DGKH: variants seen among roughly 807,000 people sequenced by gnomAD.
The protein encoded by DGKH is diacylglycerol kinase eta.
In DGKH, 90 loss-of-function variants were observed where a neutral mutation model predicts 159.3. The observed-to-expected ratio is 0.57, with a 90% CI of 0.48 to 0.67. The LOEUF (loss-of-function observed/expected upper bound fraction) is 0.67. Ranked by LOEUF, DGKH falls within the 30% of genes least tolerant of loss-of-function variation. The probability of loss-of-function intolerance (pLI) is 0.00; values close to 1 mark genes in which losing one functional copy is unlikely to be tolerated. For missense variants in DGKH, 1,181 were observed against 1,506.1 expected, an observed-to-expected ratio of 0.78 and a Z score of 3.57; for synonymous variants, 536 against 553.8, an observed-to-expected ratio of 0.97 and a Z score of 0.45.
chr13:42,107,102 A>G (rs945521257), intron 1 of DGKH, among the ~76,000 whole-genome samples: 2 of 152,258 alleles, frequency 1.3e-5, no homozygotes, highest in African/African-American at 2.4e-5. Context: ...ATCTATTGCA[A>G]TTTACAAATA....
chr13:42,049,426 A>C lies in DGKH; in HGVS notation c.192+461A>C, dbSNP rs540435074. On this transcript the variant is annotated intron_variant, in intron 1 of 29. Transcript: ENST00000337343. ...CCCTGCCGTTCGGGGGAGCGTGCGCATGTGCTGGCCAACCAGCCTGCGCTG... is the reference window on the plus strand; with the variant it reads ...CCCTGCCGTTCGGGGGAGCGTGCGCCTGTGCTGGCCAACCAGCCTGCGCTG... Among the ~76,000 whole-genome samples, 3 of 152,352 alleles carry C rather than the reference A, an allele frequency of 2.0e-5. No homozygotes were observed. The South Asian group carries it at 6.2e-4, about 32-fold the overall frequency.
intron 11 of DGKH, 52 bp downstream of exon 11, chr13:42,168,870 A>ATT (rs34761363): frequency 1.3e-5 from 20 of 1,534,436 alleles, no homozygotes; most frequent in African/African-American, 6.9e-5. Flanking sequence ...TACTGAAATC[A>ATT]TTTTTTTGAT....
intron 3 of DGKH, among the ~76,000 whole-genome samples, chr13:42,151,789 CT>C (rs1236122187): frequency 2.6e-5 from 4 of 151,554 alleles, no homozygotes; most frequent in Non-Finnish European, 5.9e-5. Flanking sequence ...ATAATGATTT[CT>C]TTTCCTGTAG....
chr13:42,119,157 C>T lies in DGKH; in HGVS notation c.193-8306C>T, dbSNP rs559638042. ...TACGGTGATGCAGCTCATCATATAA[C>T]TCTCCGGAATCCCCCTTGGCAGTGG... On this transcript the variant is annotated intron_variant, in intron 1 of 29. Coordinates refer to ENST00000337343, the MANE Select transcript of DGKH (RefSeq NM_178009.5). 3.6e-4 allele frequency among the ~76,000 whole-genome samples: 55 copies of T among 152,310 alleles called. 1 individual carries two copies. Among genetic ancestry groups the T allele is most frequent in the Admixed American group, 2.8e-3 (43 of 15,304 alleles).
intron 27 of DGKH, 59 bp downstream of exon 27, chr13:42,219,408 ACTCATCTTTG>A: frequency 6.3e-7 from 1 of 1,576,246 alleles, no homozygotes; most frequent in Non-Finnish European, 8.6e-7. Flanking sequence ...TAGAATTTGA[ACTCATCTTTG>A]AAAAAGAGAT....
chr13:42,250,637 A>G (rs866313185), intron 29 of DGKH, among the ~76,000 whole-genome samples: 118 of 152,386 alleles, frequency 7.7e-4, no homozygotes, highest in African/African-American at 2.7e-3. Context: ...GAAACAGAAC[A>G]TAATACTCAC....
chr13:42,112,480 A>G (rs536338988), intron 1 of DGKH, among the ~76,000 whole-genome samples: 6 of 152,280 alleles, frequency 3.9e-5, no homozygotes, highest in African/African-American at 1.4e-4. Context: ...TCACAGAGCC[A>G]TAGAATTCCT....
rs1482244086 is a variant in DGKH, at chr13:42,234,167, C to G, written c.*4979C>G. 1 of 152,056 alleles carries G rather than the reference C, an allele frequency of 6.6e-6. No homozygotes were observed. The highest frequency in any genetic ancestry group is 1.5e-5 in the Non-Finnish European group (1 of 68,012). 9.4% of individuals were successfully genotyped at this position (152,056 alleles called of 1,614,324 possible). A position where few individuals can be genotyped will look rare whatever the true frequency, so the allele number is the denominator to read the frequency against. ...TTTTATAAGATTTTTCCCAATGAGA[C>G]TTATTTTCAGGAATCCTTCTCTTAA... On this transcript the variant is annotated 3_prime_UTR_variant, in exon 30 of 30. Coordinates refer to ENST00000337343, the MANE Select transcript of DGKH (RefSeq NM_178009.5).
At chr13:42,195,809 A>G (rs1219396195) in intron 17 of DGKH, 3 of 152,266 alleles carry the variant, frequency 2.0e-5, no homozygotes, top group African/African-American at 4.8e-5. Context: ...AAAGACAAAT[A>G]AATTGGACTT....
rs1476166386 is a variant in DGKH at position 42,221,320 on chromosome 13, GA to G, written c.3500del (p.Glu1167GlyfsTer35). On this transcript the variant is annotated frameshift_variant, in exon 29 of 30. Transcript: ENST00000337343. LOFTEE classifies it high-confidence loss of function. ...TTGGCTGGATCTGCTCAATTTGGGA[GA>G]GTACAAAGATATCTTCATCCGTCAT... Reference protein sequence around the residue: ...AAWLDLLNLGEYKDIFIRHDI... With the variant: ...AAWLDLLNLGXYKDIFIRHDI... 2 of 1,613,740 alleles carry G rather than the reference GA, an allele frequency of 1.2e-6. No individual in the cohort carries two copies. Among genetic ancestry groups the G allele is most frequent in the Admixed American group, 3.3e-5 (2 of 60,010 alleles).
rs55860412 is a variant in DGKH, at chr13:42,141,028, C to CCGTTAACTCGTCATTTACATTAGGTATAT, written c.384+11397_384+11398insGTTAACTCGTCATTTACATTAGGTATATC. The stretch of plus-strand genomic sequence containing the variant: ...CATGTGCCATGTTGGTGTGCTGAAC[C>CCGTTAACTCGTCATTTACATTAGGTATAT]CTCCTAATGCTATCCCTCCCCCCTC... On this transcript the variant is annotated intron_variant, in intron 3 of 29. Coordinates refer to ENST00000337343, the MANE Select transcript of DGKH (RefSeq NM_178009.5). 7.7e-5 allele frequency among the ~76,000 whole-genome samples: 4 copies of CCGTTAACTCGTCATTTACATTAGGTATAT among 52,094 alleles called. 1 individual carries two copies. Among genetic ancestry groups the CCGTTAACTCGTCATTTACATTAGGTATAT allele is most frequent in the African/African-American group, 2.0e-4 (3 of 15,202 alleles). The allele number at this position is 52,094 out of a possible 152,430, so 34.2% of individuals were successfully genotyped here.
rs867426475 is a variant in DGKH at position 42,221,461 on chromosome 13, T to C, written c.3573+67T>C. 1.4e-5 allele frequency: 22 copies of C among 1,582,878 alleles called. No homozygotes were observed. The Middle Eastern group carries it at 5.2e-4, about 37-fold the overall frequency. On this transcript the variant is annotated intron_variant, in intron 29 of 29. Transcript: ENST00000337343. ...AAAACAGAATCCTTTCTCCTGTGCC[T>C]CTTCTGATACTTGCTTTTAGCTTCG...
At chr13:42,127,162 A>G (rs1195949798) in intron 1 of DGKH, among the ~76,000 whole-genome samples, 3 of 152,184 alleles carry the variant, frequency 2.0e-5, no homozygotes, top group Admixed American at 2.0e-4. Flanking sequence ...CACCTCCACC[A>G]TACTTAATAT....
At chr13:42,148,869 C>T (rs1477330850) in intron 3 of DGKH, among the ~76,000 whole-genome samples, 1 of 151,912 alleles carries the variant, frequency 6.6e-6, no homozygotes, top group Non-Finnish European at 1.5e-5. Context: ...CTTCTCCCTC[C>T]TTGTGGCTTC....
intron 15 of DGKH, 151 bp from the exon 16 acceptor site, chr13:42,190,252 A>G (rs1237535751): frequency 1.3e-5 from 11 of 828,842 alleles, no homozygotes; most frequent in South Asian, 2.2e-5. Flanking sequence ...TTCTTCGGAC[A>G]TCAACCCCAA....
At chr13:42,197,628 T>G (rs1957233696) in intron 17 of DGKH, among the ~76,000 whole-genome samples, 1 of 152,162 alleles carries the variant, frequency 6.6e-6, no homozygotes. Context: ...GAGGATCGCT[T>G]GAACCCTGGG....
intron 20 of DGKH, among the ~76,000 whole-genome samples, chr13:42,205,603 G>A (rs1957446134): frequency 6.6e-6 from 1 of 152,130 alleles, no homozygotes; most frequent in South Asian, 2.1e-4. Flanking sequence ...CAGTCCCCAG[G>A]TGGTTGTAGA....
intron 1 of DGKH, among the ~76,000 whole-genome samples, chr13:42,076,026 G>A (rs752200605): frequency 6.6e-6 from 1 of 151,882 alleles, no homozygotes; most frequent in Non-Finnish European, 1.5e-5. Flanking sequence ...CTTTCCATTT[G>A]GGATTGTTGC....
At chr13:42,219,493 G>A in intron 27 of DGKH, 144 bp downstream of exon 27, 1 of 1,360,570 alleles carries the variant, frequency 7.3e-7, no homozygotes, top group East Asian at 2.3e-5. Flanking sequence ...AATGAGAAAA[G>A]GCATTTATGT....
Sources: allele counts gnomAD v4.1 joint callset (sites outside exome capture counted in the v4.1 genomes callset), GRCh38; gene constraint gnomAD v4.1.1; transcripts MANE v1.5; gene names NCBI Gene and HGNC (gene_info 2026-07-23, HGNC 2026-07-21).